Variants in ASAP1 observed in about 807,000 individuals in gnomAD.
ASAP1 encodes arf-GAP with SH3 domain, ANK repeat and PH domain-containing protein 1.
A neutral mutation model predicts 145.2 loss-of-function variants in ASAP1; 43 were observed. The ratio of observed to expected loss-of-function variants is 0.30; its 90% CI spans 0.23 to 0.38. ASAP1 has a LOEUF of 0.38. Among genes scored for constraint, ASAP1 ranks in the 10% least tolerant of loss-of-function variants. The pLI, the probability that ASAP1 is intolerant of heterozygous loss-of-function variation, is 1.00. For missense variants in ASAP1, 1,018 were observed against 1,355.3 expected (o/e 0.75, Z 3.91); for synonymous variants, 546 against 515.5 (o/e 1.06, Z -0.80).
chr8:130,065,704 TG>T (rs1462513163), intron 27 of ASAP1, among the ~76,000 whole-genome samples: 2 of 152,204 alleles, frequency 1.3e-5, no homozygotes, highest in African/African-American at 2.4e-5. Flanking sequence ...GAACATTTGT[TG>T]TAGCATTTAT....
intron 1 of ASAP1, among the ~76,000 whole-genome samples, chr8:130,431,911 G>A (rs907613904): frequency 7.3e-6 from 1 of 136,276 alleles, no homozygotes; most frequent in Admixed American, 7.5e-5. Flanking sequence ...GGGAAATGGC[G>A]AGGAGGAAGA....
chr8:130,177,290 T>C (rs1388451253), intron 9 of ASAP1, among the ~76,000 whole-genome samples: 2 of 152,264 alleles, frequency 1.3e-5, no homozygotes, highest in African/African-American at 4.8e-5. Flanking sequence ...ATCTTCTATT[T>C]TGAAAAACTC....
intron 3 of ASAP1, among the ~76,000 whole-genome samples, chr8:130,293,439 A>G (rs958749574): frequency 1.2e-4 from 18 of 152,334 alleles, no homozygotes; most frequent in African/African-American, 4.3e-4. Context: ...TGCCCCAGCA[A>G]ACCACTTCCT....
intron 24 of ASAP1, among the ~76,000 whole-genome samples, chr8:130,105,981 A>C (rs1592811703): frequency 1.3e-5 from 2 of 152,196 alleles, no homozygotes; most frequent in East Asian, 3.8e-4. Context: ...CCACCCCTGA[A>C]TGCCAGAGGC....
intron 2 of ASAP1, among the ~76,000 whole-genome samples, chr8:130,378,403 G>A (rs956281564): frequency 1.3e-5 from 2 of 152,250 alleles, no homozygotes; most frequent in African/African-American, 4.8e-5. Flanking sequence ...ACACTGAGCT[G>A]CCTCCTGAAG....
intron 5 of ASAP1, among the ~76,000 whole-genome samples, chr8:130,203,414 G>T (rs1815997409): frequency 6.6e-6 from 1 of 152,134 alleles, no homozygotes; most frequent in Non-Finnish European, 1.5e-5. Flanking sequence ...GTGTTTCCCG[G>T]TGCTGGCTAA....
chr8:130,283,507 G>C (rs1012205672), intron 3 of ASAP1, among the ~76,000 whole-genome samples: 2 of 145,082 alleles, frequency 1.4e-5, no homozygotes, highest in Non-Finnish European at 3.0e-5. Context: ...TTGAACCCAG[G>C]AGGCAGAGGC....
At chr8:130,095,944 A>G (rs1027081074) in intron 24 of ASAP1, among the ~76,000 whole-genome samples, 1 of 152,144 alleles carries the variant, frequency 6.6e-6, no homozygotes, top group Non-Finnish European at 1.5e-5. Flanking sequence ...AAGGAGGCCA[A>G]TATGTTTCAC....
chr8:130,442,944 C>A (rs1356738040), intron 1 of ASAP1, among the ~76,000 whole-genome samples: 4 of 152,168 alleles, frequency 2.6e-5, no homozygotes, highest in Non-Finnish European at 4.4e-5. Context: ...CCCCCCACCC[C>A]CTTCCCTTTC....
At chr8:130,336,879 C>G (rs1327923476) in intron 3 of ASAP1, among the ~76,000 whole-genome samples, 1 of 152,130 alleles carries the variant, frequency 6.6e-6, no homozygotes, top group African/African-American at 2.4e-5. Context: ...AACTACTTCT[C>G]CCAAACAGCT....
rs892762685 is a variant in ASAP1, at chr8:130,375,153, C to T, written c.60-17010G>A. On this transcript the variant is annotated intron_variant, in intron 2 of 29. Coordinates refer to ENST00000518721, the MANE Select transcript of ASAP1 (RefSeq NM_018482.4). ...TGGTGGGCACTTGGGGATCAGCAGG[C>T]GCAAAGAACCTAGGCCAGTGTCAGG... Among the ~76,000 whole-genome samples, 14 of 152,116 alleles carry T rather than the reference C, an allele frequency of 9.2e-5. No homozygotes were observed. The South Asian group carries it at 1.4e-3, about 16-fold the overall frequency.
chr8:130,169,990 G>A (rs968239355), intron 9 of ASAP1, among the ~76,000 whole-genome samples: 3 of 152,072 alleles, frequency 2.0e-5, no homozygotes, highest in African/African-American at 4.8e-5. Flanking sequence ...CTCAGAAAAC[G>A]TGTTTAGAAT....
intron 27 of ASAP1, among the ~76,000 whole-genome samples, chr8:130,072,043 T>A (rs988129249): frequency 6.6e-6 from 1 of 152,148 alleles, no homozygotes; most frequent in Non-Finnish European, 1.5e-5. Context: ...AAGGCAGGAC[T>A]CTATTCCGAT....
intron 1 of ASAP1, among the ~76,000 whole-genome samples, chr8:130,440,583 G>A (rs987599980): frequency 1.1e-4 from 17 of 151,888 alleles, no homozygotes; most frequent in African/African-American, 4.1e-4. Flanking sequence ...ACTGGGTGGA[G>A]GGACTCTCCC....
intron 24 of ASAP1, among the ~76,000 whole-genome samples, chr8:130,111,098 C>T (rs185768708): frequency 4.1e-4 from 61 of 150,346 alleles, no homozygotes; most frequent in Admixed American, 3.4e-3. Flanking sequence ...CTCGTCTGGG[C>T]GCAGTGGCTC....
intron 5 of ASAP1, among the ~76,000 whole-genome samples, chr8:130,213,494 C>T (rs934730453): frequency 3.4e-4 from 52 of 152,102 alleles, no homozygotes; most frequent in African/African-American, 1.2e-3. Context: ...CAAATTATCA[C>T]CTAAGGCCAC....
At chr8:130,310,825 C>G (rs757209594) in intron 3 of ASAP1, among the ~76,000 whole-genome samples, 6 of 152,164 alleles carry the variant, frequency 3.9e-5, no homozygotes, top group Non-Finnish European at 5.9e-5. Flanking sequence ...AGGAACAATT[C>G]CATTTCCCTA....
At chr8:130,240,417 G>C (rs947491905) in intron 3 of ASAP1, among the ~76,000 whole-genome samples, 1 of 152,038 alleles carries the variant, frequency 6.6e-6, no homozygotes, top group African/African-American at 2.4e-5. Flanking sequence ...AATCAAACAA[G>C]GCTCCCTCTA....
intron 2 of ASAP1, among the ~76,000 whole-genome samples, chr8:130,396,157 T>C (rs1245392640): frequency 6.6e-6 from 1 of 152,170 alleles, no homozygotes; most frequent in Non-Finnish European, 1.5e-5. Context: ...AAATAAAGTA[T>C]ACATGTAGTA....
Sources: allele counts gnomAD v4.1 joint callset (sites outside exome capture counted in the v4.1 genomes callset), GRCh38; gene constraint gnomAD v4.1.1; transcripts MANE v1.5; gene names NCBI Gene and HGNC (gene_info 2026-07-23, HGNC 2026-07-21).